PARD3B: variants seen among roughly 807,000 people sequenced by gnomAD.
PARD3B encodes the protein partitioning defective 3 homolog B.
Under a neutral mutation model 130.2 loss-of-function variants are expected in PARD3B, and 103 were observed. The ratio of observed to expected loss-of-function variants is 0.79; its 90% confidence interval spans 0.67 to 0.93. The LOEUF is 0.93. Among genes scored for constraint, PARD3B ranks in the 40% least tolerant of loss-of-function variants. The pLI is 0.00. For synonymous variants in PARD3B, 583 were observed against 553.2 expected (o/e 1.05, Z -0.76); for missense variants, 1,609 against 1,499.2 (o/e 1.07, Z -1.21).
At position 205,124,323 on chromosome 2, in the gene PARD3B, C is replaced by G. The variant is rs1457614496; in HGVS notation, c.1166-4C>G. ...CTATACATTTTCCTGTTCTTATACA[C>G]TAGGCCCTGAAGGACTTGGTTTCAC... is the stretch of plus-strand genomic sequence containing the variant. On this transcript the variant is annotated splice_polypyrimidine_tract_variant and splice_region_variant and intron_variant, in intron 8 of 22. Coordinates refer to ENST00000406610, the MANE Select transcript of PARD3B (RefSeq NM_001302769.2). The G allele has an allele frequency of 9.1e-6, 14 of 1,540,776 alleles. No homozygotes were observed. The highest frequency in any genetic ancestry group is 1.4e-5 in the African/African-American group (1 of 72,442).
chr2:205,573,375 C>G (rs2053627191), intron 22 of PARD3B, among the ~76,000 whole-genome samples: 1 of 152,076 alleles, frequency 6.6e-6, no homozygotes, highest in Admixed American at 6.5e-5. Flanking sequence ...CTGGAGGTGC[C>G]ATTCTCCTCA....
Position 204,647,624 on chromosome 2 carries a change from G to A in PARD3B, c.121-38557G>A, listed in dbSNP as rs1316006008. Among the ~76,000 whole-genome samples the A allele has an allele frequency of 2.1e-4, 32 of 151,806 alleles. 2 individuals are homozygous for A. The highest frequency in any genetic ancestry group is 2.1e-3 in the Admixed American group (32 of 15,210). On this transcript the variant is annotated intron_variant, in intron 1 of 22. Coordinates refer to ENST00000406610, the MANE Select transcript of PARD3B (RefSeq NM_001302769.2). Reference sequence around the variant, plus strand: ...CTGTGATCATATGCAATATCCAATAGTAATTTGAAGACATATTTTAGAAGT... The same window carrying A: ...CTGTGATCATATGCAATATCCAATAATAATTTGAAGACATATTTTAGAAGT...
intron 4 of PARD3B, among the ~76,000 whole-genome samples, chr2:205,059,508 A>G (rs1291217568): frequency 1.3e-5 from 2 of 151,968 alleles, no homozygotes; most frequent in Non-Finnish European, 2.9e-5. Context: ...CTCTTTCTTT[A>G]CTGATCCTTA....
rs114567680 is a variant in PARD3B at position 205,335,441 on chromosome 2, A to C, written c.2630+33740A>C. 8.8e-3 allele frequency among the ~76,000 whole-genome samples: 1,347 copies of C among 152,236 alleles called. 9 individuals are homozygous for C. The highest frequency in any genetic ancestry group is 0.024 in the Middle Eastern group (7 of 294). ...TTTTCTGTGTGTGTCTAAGTCCTACATGCCATGTGTATCATGGTACCTGTG... is the reference window on the plus strand; with the variant it reads ...TTTTCTGTGTGTGTCTAAGTCCTACCTGCCATGTGTATCATGGTACCTGTG... On this transcript the variant is annotated intron_variant, in intron 18 of 22. Coordinates refer to ENST00000406610, the MANE Select transcript of PARD3B (RefSeq NM_001302769.2).
At chr2:205,005,355 T>C (rs562880136) in intron 3 of PARD3B, among the ~76,000 whole-genome samples, 1 of 152,346 alleles carries the variant, frequency 6.6e-6, no homozygotes, top group African/African-American at 2.4e-5. Flanking sequence ...ATTTGAGTCC[T>C]CATTTTCCAT....
Position 205,093,526 on chromosome 2 carries a change from A to G in PARD3B, c.505-10900A>G, listed in dbSNP as rs140704093. ...GTGGCTCATACTGAGTTGGGTGTGA[A>G]GGTATAGATGGCTGGATATTTGCCA... On this transcript the variant is annotated intron_variant, in intron 4 of 22. Transcript: ENST00000406610. Among the ~76,000 whole-genome samples, 241 of 152,274 alleles carry G rather than the reference A, an allele frequency of 1.6e-3. 1 individual carries two copies. The highest frequency in any genetic ancestry group is 5.7e-3 in the African/African-American group (236 of 41,560).
chr2:205,076,214 A>G (rs764907378), intron 4 of PARD3B, among the ~76,000 whole-genome samples: 3 of 152,208 alleles, frequency 2.0e-5, no homozygotes, highest in Non-Finnish European at 4.4e-5. Context: ...TAATTCTTAT[A>G]TAACTAGATT....
At chr2:204,898,926 T>TCA (rs1254694811) in intron 2 of PARD3B, among the ~76,000 whole-genome samples, 11 of 152,224 alleles carry the variant, frequency 7.2e-5, no homozygotes, top group Non-Finnish European at 1.2e-4. Flanking sequence ...AAGTCTGATA[T>TCA]AAGTATAGCT....
At position 205,057,617 on chromosome 2, in the gene PARD3B, G is replaced by A. The variant is rs376166539; in HGVS notation, c.504+9927G>A. 3.2e-5 allele frequency among the ~76,000 whole-genome samples: 4 copies of A among 125,274 alleles called. 1 individual carries two copies. Among genetic ancestry groups the A allele is most frequent in the African/African-American group, 1.2e-4 (4 of 34,048 alleles). 82.2% of individuals were successfully genotyped at this position (125,274 alleles called of 152,430 possible). A position where few individuals can be genotyped will look rare whatever the true frequency, so the allele number is the denominator to read the frequency against. ...TATATACATATATGTGTATGTGTAT[G>A]TGTATACGTATATATATACATATAT... is the stretch of plus-strand genomic sequence containing the variant. On this transcript the variant is annotated intron_variant, in intron 4 of 22. Coordinates refer to ENST00000406610, the MANE Select transcript of PARD3B (RefSeq NM_001302769.2).
chr2:204,941,863 A>G (rs529333139), intron 2 of PARD3B, among the ~76,000 whole-genome samples: 19 of 152,208 alleles, frequency 1.2e-4, no homozygotes, highest in Non-Finnish European at 2.5e-4. Flanking sequence ...TATTTAAATT[A>G]TATCTTTGTG....
chr2:204,869,909 C>T (rs192200456), intron 2 of PARD3B, among the ~76,000 whole-genome samples: 2 of 152,260 alleles, frequency 1.3e-5, no homozygotes, highest in East Asian at 3.9e-4. Flanking sequence ...TTCACAATGG[C>T]TGCAGGTGAG....
chr2:205,100,771 C>T (rs1325686141), intron 4 of PARD3B, among the ~76,000 whole-genome samples: 1 of 151,998 alleles, frequency 6.6e-6, no homozygotes, highest in Non-Finnish European at 1.5e-5. Context: ...ATGATACTAG[C>T]ACAACTAGAT....
At chr2:205,181,303 C>T (rs1018092814) in intron 13 of PARD3B, among the ~76,000 whole-genome samples, 1 of 152,224 alleles carries the variant, frequency 6.6e-6, no homozygotes, top group Non-Finnish European at 1.5e-5. Flanking sequence ...GCATGTAAAG[C>T]ACTACGTCTG....
intron 22 of PARD3B, among the ~76,000 whole-genome samples, chr2:205,573,267 A>G (rs1210319719): frequency 6.6e-6 from 1 of 152,144 alleles, no homozygotes; most frequent in Non-Finnish European, 1.5e-5. Context: ...CCTGTGAAGG[A>G]GCTGAGCTGA....
intron 2 of PARD3B, among the ~76,000 whole-genome samples, chr2:204,779,035 T>A (rs2041741728): frequency 6.6e-6 from 1 of 152,142 alleles, no homozygotes; most frequent in Admixed American, 6.6e-5. Context: ...GTTATATTCA[T>A]CCTTCTAGGT....
At chr2:205,535,217 T>C (rs1209454866) in intron 21 of PARD3B, among the ~76,000 whole-genome samples, 2 of 152,184 alleles carry the variant, frequency 1.3e-5, no homozygotes, top group African/African-American at 4.8e-5. Context: ...ACTAATCATG[T>C]ACATCACAGA....
At chr2:204,688,928 T>C (rs2037223889) in intron 2 of PARD3B, among the ~76,000 whole-genome samples, 1 of 152,174 alleles carries the variant, frequency 6.6e-6, no homozygotes, top group African/African-American at 2.4e-5. Flanking sequence ...ATCATTGTGC[T>C]AACCCCAAAA....
intron 2 of PARD3B, among the ~76,000 whole-genome samples, chr2:204,774,583 C>T (rs1315871507): frequency 2.0e-5 from 3 of 152,030 alleles, no homozygotes. Context: ...GGGACAAACA[C>T]CTACCTGTCT....
At chr2:204,696,201 G>A (rs1335001544) in intron 2 of PARD3B, among the ~76,000 whole-genome samples, 1 of 151,844 alleles carries the variant, frequency 6.6e-6, no homozygotes, top group Non-Finnish European at 1.5e-5. Context: ...GAAATAAAAT[G>A]GAAAGTTGTG....
Sources: gnomAD v4.1 joint callset for allele counts (sites outside exome capture counted in the v4.1 genomes callset) on GRCh38, gnomAD v4.1.1 for gene constraint, MANE v1.5 for transcripts, NCBI Gene and HGNC (gene_info 2026-07-23, HGNC 2026-07-21) for gene names.